VTI1A: variants seen among roughly 807,000 people sequenced by gnomAD.
VTI1A encodes the protein vesicle transport through interaction with t-SNAREs 1A.
A neutral mutation model predicts 34.9 loss-of-function variants in VTI1A; 22 were observed. That is an observed-to-expected ratio of 0.63 (90% confidence interval 0.45 to 0.90). The LOEUF is 0.90. Among genes scored for constraint, VTI1A ranks in the 40% least tolerant of loss-of-function variants. The pLI, the probability that VTI1A is intolerant of heterozygous loss-of-function variation, is 0.00. For synonymous variants in VTI1A, 87 were observed against 97.3 expected (o/e 0.89, Z 0.62); for missense variants, 268 against 275.6 (o/e 0.97, Z 0.20).
chr10:112,557,812 C>T (rs1851588683), intron 5 of VTI1A, among the ~76,000 whole-genome samples: 1 of 152,172 alleles, frequency 6.6e-6, no homozygotes, highest in African/African-American at 2.4e-5. Context: ...ATTTTACTCT[C>T]ACCCTGGCAT....
At chr10:112,594,603 G>C (rs1478510253) in intron 5 of VTI1A, among the ~76,000 whole-genome samples, 1 of 151,926 alleles carries the variant, frequency 6.6e-6, no homozygotes, top group Non-Finnish European at 1.5e-5. Context: ...CAACTTACAA[G>C]GGACGTGAAG....
At chr10:112,797,292 G>C (rs1258319510) in intron 7 of VTI1A, among the ~76,000 whole-genome samples, 1 of 152,166 alleles carries the variant, frequency 6.6e-6, no homozygotes, top group African/African-American at 2.4e-5. Context: ...TATATACAGA[G>C]AGAAATATGC....
intron 5 of VTI1A, among the ~76,000 whole-genome samples, chr10:112,654,475 A>T (rs1192017507): frequency 6.6e-6 from 1 of 152,004 alleles, no homozygotes; most frequent in Non-Finnish European, 1.5e-5. Context: ...ACAGTCATCC[A>T]TTCTTTTTCT....
intron 3 of VTI1A, among the ~76,000 whole-genome samples, chr10:112,524,756 A>G (rs1850160842): frequency 6.6e-6 from 1 of 152,190 alleles, no homozygotes; most frequent in Admixed American, 6.6e-5. Context: ...GGGAAAAACA[A>G]AAGCAATCTC....
intron 3 of VTI1A, among the ~76,000 whole-genome samples, chr10:112,495,584 A>G (rs963116375): frequency 1.3e-5 from 2 of 152,200 alleles, no homozygotes; most frequent in Non-Finnish European, 2.9e-5. Context: ...GAGATACTTC[A>G]GATACATCCC....
At chr10:112,805,240 T>TAACA (rs1463528152) in intron 7 of VTI1A, among the ~76,000 whole-genome samples, 6 of 152,210 alleles carry the variant, frequency 3.9e-5, no homozygotes, top group Admixed American at 3.3e-4. Context: ...CCTCCTGTTT[T>TAACA]AGCCACGGGC....
At chr10:112,701,282 A>G (rs1849000760) in intron 7 of VTI1A, among the ~76,000 whole-genome samples, 1 of 152,190 alleles carries the variant, frequency 6.6e-6, no homozygotes, top group Non-Finnish European at 1.5e-5. Context: ...TAAACACAGA[A>G]CAAGATCAGC....
chr10:112,480,666 T>C (rs985666031), intron 3 of VTI1A, among the ~76,000 whole-genome samples: 1 of 151,920 alleles, frequency 6.6e-6, no homozygotes, highest in Non-Finnish European at 1.5e-5. Context: ...TGTAGTCAGG[T>C]TGAACAACAT....
rs542467953 is a variant in VTI1A, at chr10:112,504,673, T to C, written c.265-22414T>C. On this transcript the variant is annotated intron_variant, in intron 3 of 7. Coordinates refer to ENST00000393077, the MANE Select transcript of VTI1A (RefSeq NM_145206.4). Reference sequence around the variant, plus strand: ...GAAGTAGAATTACTTATTCAAAGAATATATGGATTTGCAATACTGATCATT... The same window carrying C: ...GAAGTAGAATTACTTATTCAAAGAACATATGGATTTGCAATACTGATCATT... Among the ~76,000 whole-genome samples, 5 of 152,310 alleles carry C rather than the reference T, an allele frequency of 3.3e-5. No homozygotes were observed. In the East Asian group the frequency reaches 7.7e-4, roughly 24 times the overall value.
At chr10:112,713,243 T>C (rs1849492059) in intron 7 of VTI1A, among the ~76,000 whole-genome samples, 1 of 152,204 alleles carries the variant, frequency 6.6e-6, no homozygotes, top group Non-Finnish European at 1.5e-5. Flanking sequence ...CTTACAGAAC[T>C]ATTGGTTATT....
At chr10:112,691,697 C>A (rs2133881313) in intron 7 of VTI1A, among the ~76,000 whole-genome samples, 1 of 152,344 alleles carries the variant, frequency 6.6e-6, no homozygotes, top group South Asian at 2.1e-4. Context: ...CAATGAAGTC[C>A]TGTCCTCTTT....
intron 5 of VTI1A, among the ~76,000 whole-genome samples, chr10:112,582,189 C>T (rs143741951): frequency 3.3e-5 from 5 of 152,182 alleles, no homozygotes; most frequent in Admixed American, 6.5e-5. Flanking sequence ...CTTGCTCTGT[C>T]GTGGAGTTAG....
chr10:112,621,200 C>T (rs747289871), intron 5 of VTI1A, among the ~76,000 whole-genome samples: 2 of 152,164 alleles, frequency 1.3e-5, no homozygotes, highest in African/African-American at 2.4e-5. Flanking sequence ...CAGAAGGAGG[C>T]GTTCCACCAA....
At chr10:112,854,441 A>AT in the VTI1A span, among the ~76,000 whole-genome samples, 1 of 152,184 alleles carries the variant, frequency 6.6e-6, no homozygotes, top group Non-Finnish European at 1.5e-5. Context: ...GCTCTTAACC[A>AT]CTATAGATGT....
intron 3 of VTI1A, among the ~76,000 whole-genome samples, chr10:112,525,329 A>C (rs549964696): frequency 9.9e-5 from 15 of 152,198 alleles, no homozygotes; most frequent in Non-Finnish European, 1.9e-4. Flanking sequence ...AATGGGGTTT[A>C]GGGTGGAGAC....
At chr10:112,743,011 C>T (rs1850747893) in intron 7 of VTI1A, among the ~76,000 whole-genome samples, 1 of 132,742 alleles carries the variant, frequency 7.5e-6, no homozygotes, top group Non-Finnish European at 1.6e-5. Flanking sequence ...GGGACCTATT[C>T]TCGTGTGTGT....
At chr10:112,652,394 C>T (rs910599110) in intron 5 of VTI1A, among the ~76,000 whole-genome samples, 2 of 152,084 alleles carry the variant, frequency 1.3e-5, no homozygotes, top group African/African-American at 4.8e-5. Flanking sequence ...TGCACAAAAT[C>T]CTGGAAAGGG....
intron 4 of VTI1A, among the ~76,000 whole-genome samples, chr10:112,531,063 T>TA (rs1850410002): frequency 7.2e-6 from 1 of 139,844 alleles, no homozygotes; most frequent in African/African-American, 2.7e-5. Context: ...GTGACACACC[T>TA]CACACACACA....
chr10:112,676,028 A>G (rs12773545), intron 7 of VTI1A, among the ~76,000 whole-genome samples: 19,356 of 152,182 alleles, frequency 0.13, 1,328 homozygotes, highest in Middle Eastern at 0.17. Context: ...ACATTGAGGT[A>G]TTTGTTATTA....
Sources: allele counts gnomAD v4.1 joint callset (sites outside exome capture counted in the v4.1 genomes callset), GRCh38; gene constraint gnomAD v4.1.1; transcripts MANE v1.5; gene names NCBI Gene and HGNC (gene_info 2026-07-23, HGNC 2026-07-21).